UBE2W: variants seen among roughly 807,000 people sequenced by gnomAD.
UBE2W encodes ubiquitin-conjugating enzyme E2 W.
Under a neutral mutation model 27.2 loss-of-function variants are expected in UBE2W, and 18 were observed. The ratio of observed to expected loss-of-function variants is 0.66; its 90% CI spans 0.46 to 0.98. The LOEUF (loss-of-function observed/expected upper bound fraction) is 0.98, where lower values mean the gene tolerates loss of function less well. Among genes scored for constraint, UBE2W ranks in the 50% least tolerant of loss-of-function variants. The probability of loss-of-function intolerance (pLI) is 0.00; values close to 1 mark genes in which losing one functional copy is unlikely to be tolerated. For missense variants in UBE2W, 90 were observed against 180.2 expected (o/e 0.50, Z 2.87); for synonymous variants, 53 against 57.2 (o/e 0.93, Z 0.33).
chr8:73,781,926 CTCCTTT>C (rs1807852407), downstream of UBE2W, among the ~76,000 whole-genome samples: 4 of 128,568 alleles, frequency 3.1e-5, no homozygotes, highest in African/African-American at 1.2e-4. Flanking sequence ...TACTAAAAGC[CTCCTTT>C]TTTTTTTTTT....
intron 4 of UBE2W, among the ~76,000 whole-genome samples, chr8:73,808,353 A>G (rs1235971238): frequency 6.6e-6 from 1 of 151,706 alleles, no homozygotes; most frequent in African/African-American, 2.4e-5. Flanking sequence ...TTGTGCATCA[A>G]CCTCCCAAGT....
In UBE2W at chr8:73,805,472, C is replaced by CAAACAAAAA. The variant is rs1254739442; in HGVS notation, c.442+178_442+179insTTTTTGTTT. ...TCCATCTCAAAAAAAAAAAAAAAAA[C>CAAACAAAAA]AAAAAAAACTAGGGTAATTCATCCA... On this transcript the variant is annotated intron_variant, in intron 5 of 5. Transcript: ENST00000602593. 4.7e-3 allele frequency among the ~76,000 whole-genome samples: 204 copies of CAAACAAAAA among 43,662 alleles called. 10 individuals are homozygous for CAAACAAAAA. The highest frequency in any genetic ancestry group is 0.011 in the African/African-American group (183 of 16,608). The allele number at this position is 43,662 out of a possible 152,430, so 28.6% of individuals were successfully genotyped here. A position where few individuals can be genotyped will look rare whatever the true frequency, so the allele number is the denominator to read the frequency against.
In UBE2W at chr8:73,793,243, C is replaced by A. The variant is rs894868998; in HGVS notation, c.*859G>T. ...AGAGTGTAACTTACTTGGAAAAAATCTTTAATGTACAAATAACAAGCCCAA... is the reference window on the plus strand; with the variant it reads ...AGAGTGTAACTTACTTGGAAAAAATATTTAATGTACAAATAACAAGCCCAA... On this transcript the variant is annotated 3_prime_UTR_variant, in exon 6 of 6. Transcript: ENST00000602593. 7.1e-6 allele frequency: 7 copies of A among 984,996 alleles called. No homozygotes were observed. Among genetic ancestry groups the A allele is most frequent in the Non-Finnish European group, 7.2e-6 (6 of 829,888 alleles). The allele number at this position is 984,996 out of a possible 1,614,324, so 61.0% of individuals were successfully genotyped here.
At chr8:73,853,024 G>A (rs1811141476) in intron 1 of UBE2W, among the ~76,000 whole-genome samples, 1 of 152,184 alleles carries the variant, frequency 6.6e-6, no homozygotes, top group South Asian at 2.1e-4. Flanking sequence ...TTGGAATTAA[G>A]AGGTGGAGCC....
intron 3 of UBE2W, among the ~76,000 whole-genome samples, chr8:73,813,317 A>G (rs995457562): frequency 6.6e-6 from 1 of 152,200 alleles, no homozygotes; most frequent in Non-Finnish European, 1.5e-5. Context: ...CTCAGGAGAG[A>G]AGAGAAAGAA....
At chr8:73,832,636 G>C (rs146973126) in intron 1 of UBE2W, among the ~76,000 whole-genome samples, 2 of 152,202 alleles carry the variant, frequency 1.3e-5, no homozygotes, top group Non-Finnish European at 2.9e-5. Context: ...GTTGTAGGTC[G>C]AGTAGCCATT....
intron 1 of UBE2W, among the ~76,000 whole-genome samples, chr8:73,837,914 T>C (rs1311592349): frequency 1.3e-5 from 2 of 152,194 alleles, no homozygotes; most frequent in Non-Finnish European, 1.5e-5. Flanking sequence ...AAGAATCTCA[T>C]TCCAGAAGAG....
intron 5 of UBE2W, among the ~76,000 whole-genome samples, 179 bp downstream of exon 5, chr8:73,805,472 C>CAAAAAAAAAAAAAAAAAACAAAACAAA: frequency 2.3e-5 from 1 of 43,676 alleles, no homozygotes; most frequent in Admixed American, 3.9e-4. Flanking sequence ...AAAAAAAAAA[C>CAAAAAAAAAAAAAAAAAACAAAACAAA]AAAAAAAACT....
intron 1 of UBE2W, among the ~76,000 whole-genome samples, chr8:73,839,678 A>C (rs1377611599): frequency 6.7e-6 from 1 of 148,292 alleles, no homozygotes; most frequent in East Asian, 2.0e-4. Context: ...CAAAAAACCC[A>C]CAAGTATTCA....
intron 1 of UBE2W, among the ~76,000 whole-genome samples, chr8:73,874,579 G>C (rs1812140860): frequency 6.6e-6 from 1 of 152,096 alleles, no homozygotes. Context: ...TTCAATAAAA[G>C]AATGCTTCTG....
At chr8:73,849,144 G>C (rs548308763) in intron 1 of UBE2W, among the ~76,000 whole-genome samples, 3 of 152,174 alleles carry the variant, frequency 2.0e-5, no homozygotes, top group Non-Finnish European at 4.4e-5. Context: ...CTGCATGCTT[G>C]AGATTTTTCG....
At chr8:73,848,952 G>A (rs182969794) in intron 1 of UBE2W, among the ~76,000 whole-genome samples, 162 of 152,102 alleles carry the variant, frequency 1.1e-3, no homozygotes, top group Non-Finnish European at 1.7e-3. Flanking sequence ...ATAACTCCAC[G>A]AATATATTAA....
At chr8:73,801,493 AAAG>A (rs1808642228) in intron 5 of UBE2W, among the ~76,000 whole-genome samples, 3 of 152,210 alleles carry the variant, frequency 2.0e-5, no homozygotes, top group Admixed American at 6.5e-5. Context: ...CACTTGTAAA[AAAG>A]AAGAATCTTT....
chr8:73,876,589 G>T lies in UBE2W; in HGVS notation c.15+2219C>A, dbSNP rs528989832. Reference sequence around the variant, plus strand: ...ACAAGGTGAAGGAAAAACTTAAAAGGGTGGTAAGAGTCTGAGATAGTAATA... The same window carrying T: ...ACAAGGTGAAGGAAAAACTTAAAAGTGTGGTAAGAGTCTGAGATAGTAATA... On this transcript the variant is annotated intron_variant, in intron 1 of 5. Coordinates refer to ENST00000602593, the MANE Select transcript of UBE2W (RefSeq NM_018299.6). Among the ~76,000 whole-genome samples, 30 of 152,248 alleles carry T rather than the reference G, an allele frequency of 2.0e-4. No homozygotes were observed. In the South Asian group the frequency reaches 5.6e-3, roughly 28 times the overall value.
intron 1 of UBE2W, among the ~76,000 whole-genome samples, chr8:73,841,547 C>G (rs1414534031): frequency 6.6e-6 from 1 of 152,168 alleles, no homozygotes; most frequent in Non-Finnish European, 1.5e-5. Flanking sequence ...CCAATAATTT[C>G]TCCATGCTTT....
At chr8:73,846,149 A>G (rs2130938414) in intron 1 of UBE2W, among the ~76,000 whole-genome samples, 1 of 152,292 alleles carries the variant, frequency 6.6e-6, no homozygotes, top group South Asian at 2.1e-4. Flanking sequence ...GCACTTTGGG[A>G]GGCTGAGGCG....
intron 1 of UBE2W, among the ~76,000 whole-genome samples, chr8:73,872,136 C>A (rs557003275): frequency 6.6e-6 from 1 of 152,182 alleles, no homozygotes; most frequent in Non-Finnish European, 1.5e-5. Flanking sequence ...AGGCCAGGCG[C>A]GGTGGCCAGC....
chr8:73,864,570 T>C (rs1403992308), intron 1 of UBE2W, among the ~76,000 whole-genome samples: 1 of 152,100 alleles, frequency 6.6e-6, no homozygotes, highest in Non-Finnish European at 1.5e-5. Context: ...TGTTTGCATT[T>C]GTCTAAAGAC....
intron 3 of UBE2W, among the ~76,000 whole-genome samples, chr8:73,823,039 A>G (rs1417970654): frequency 2.0e-5 from 3 of 152,188 alleles, no homozygotes; most frequent in African/African-American, 7.2e-5. Context: ...GTGTGAAATT[A>G]AGCCTTAAAA....
Sources: allele counts gnomAD v4.1 joint callset (sites outside exome capture counted in the v4.1 genomes callset), GRCh38; gene constraint gnomAD v4.1.1; transcripts MANE v1.5; gene names NCBI Gene and HGNC (gene_info 2026-07-23, HGNC 2026-07-21).